CIITA: variants seen among roughly 807,000 people sequenced by gnomAD.
The protein encoded by CIITA is MHC class II transactivator.
A neutral mutation model predicts 115.1 loss-of-function variants in CIITA; 72 were observed. That is an observed-to-expected ratio of 0.63 (90% confidence interval 0.52 to 0.76). The LOEUF (loss-of-function observed/expected upper bound fraction) is 0.76. Ranked by LOEUF, CIITA falls within the 30% of genes least tolerant of loss-of-function variation. The probability of loss-of-function intolerance (pLI) is 0.00; values close to 1 mark genes in which losing one functional copy is unlikely to be tolerated. For synonymous variants in CIITA, 763 were observed against 635.6 expected (o/e 1.20, Z -3.02); for missense variants, 1,617 against 1,463.8 (o/e 1.10, Z -1.71).
At chr16:10,916,189 C>T (rs1447906534) in intron 14 of CIITA, among the ~76,000 whole-genome samples, 178 bp from the exon 15 acceptor site, 1 of 152,136 alleles carries the variant, frequency 6.6e-6, no homozygotes, top group East Asian at 1.9e-4. Flanking sequence ...CTGGTTGGAG[C>T]CCCCAGGTGA....
intron 1 of CIITA, among the ~76,000 whole-genome samples, chr16:10,894,895 T>A (rs1324781026): frequency 6.6e-6 from 1 of 152,212 alleles, no homozygotes; most frequent in Non-Finnish European, 1.5e-5. Flanking sequence ...ATACCTTCCT[T>A]ACATGGTTAC....
chr16:10,941,456 G>T lies in CIITA; in HGVS notation n.582G>T. On this transcript the variant is annotated non_coding_transcript_exon_variant, in exon 2 of 2. Coordinates refer to the CIITA transcript ENST00000573379. The surrounding 1 kb of genome is among the most constrained non-coding windows in gnomAD (Gnocchi z 6.4). ...TCCTGGCATCCAGTTAGACCTGGAG[G>T]AGGTGAACGGAGGAGAAGCCTGAGG... The T allele has an allele frequency of 9.3e-7, 1 of 1,073,790 alleles. No homozygotes were observed. Among genetic ancestry groups the T allele is most frequent in the Non-Finnish European group, 1.2e-6 (1 of 820,022 alleles). The allele number at this position is 1,073,790 out of a possible 1,614,324, so 66.5% of individuals were successfully genotyped here. A position where few individuals can be genotyped will look rare whatever the true frequency, so the allele number is the denominator to read the frequency against.
Position 10,923,108 on chromosome 16 carries a change from G to C in CIITA, c.3318-120G>C. On this transcript the variant is annotated intron_variant, in intron 18 of 19. Coordinates refer to ENST00000324288, the MANE Select transcript of CIITA (RefSeq NM_000246.4). The surrounding 1 kb of genome is among the most constrained non-coding windows in gnomAD (Gnocchi z 5.2). ...ACCCACACCGGTCGGTATCTTGCCA[G>C]GGGAAAAGTCCCCAACGTTCTAGGC... is the stretch of plus-strand genomic sequence containing the variant. 1 of 865,552 alleles carries C rather than the reference G, an allele frequency of 1.2e-6. No homozygotes were observed. The highest frequency in any genetic ancestry group is 1.3e-5 in the South Asian group (1 of 75,386). 53.6% of individuals were successfully genotyped at this position (865,552 alleles called of 1,614,324 possible).
rs144572023 is a variant in CIITA at position 10,927,681 on chromosome 16, C to T, written c.*3826C>T. 120 of 152,272 alleles carry T rather than the reference C, an allele frequency of 7.9e-4. No homozygotes were observed. Among genetic ancestry groups the T allele is most frequent in the African/African-American group, 2.8e-3 (118 of 41,550 alleles). 9.4% of individuals were successfully genotyped at this position (152,272 alleles called of 1,614,324 possible). ...CCAAACTGGGAGTCCTGGTGTGGAG[C>T]CTTTTAACCCAGAGGGGCATCTTTT... On this transcript the variant is annotated 3_prime_UTR_variant, in exon 20 of 20. Transcript: ENST00000324288.
In CIITA at chr16:10,941,564, C is replaced by CT. The variant is rs1371912147; in HGVS notation, n.692dup. 6.9e-7 allele frequency: 1 copy of CT among 1,449,066 alleles called. No individual in the cohort carries two copies. The highest frequency in any genetic ancestry group is 9.1e-7 in the Non-Finnish European group (1 of 1,099,544). The allele number at this position is 1,449,066 out of a possible 1,614,324, so 89.8% of individuals were successfully genotyped here. Reference sequence around the variant, plus strand: ...GCCCTCATCCTGTTCAGAGAGGGCACTTACAGGCCTCGGAGGCAGGGGAGG... The same window carrying CT: ...GCCCTCATCCTGTTCAGAGAGGGCACTTTACAGGCCTCGGAGGCAGGGGAGG... On this transcript the variant is annotated non_coding_transcript_exon_variant, in exon 2 of 2. Coordinates refer to the CIITA transcript ENST00000573379. This position sits in a 1 kb window ranked among gnomAD's most constrained non-coding sequence, Gnocchi z 6.4.
rs2040696961 is a variant in CIITA, at chr16:10,929,749, TAA to T, written c.*5897_*5898del. The T allele has an allele frequency of 5.8e-6, 1 of 171,994 alleles. No homozygotes were observed. The highest frequency in any genetic ancestry group is 1.2e-5 in the Non-Finnish European group (1 of 86,282). 10.7% of individuals were successfully genotyped at this position (171,994 alleles called of 1,614,324 possible). Reference sequence around the variant, plus strand: ...GGCTGAAAATGTCTTTCTGCAAATATAAAACTCTTTTTAATGAATTTGCCTAA... The same window carrying T: ...GGCTGAAAATGTCTTTCTGCAAATATAACTCTTTTTAATGAATTTGCCTAA... On this transcript the variant is annotated 3_prime_UTR_variant, in exon 20 of 20. Transcript: ENST00000324288. This position sits in a 1 kb window ranked among gnomAD's most constrained non-coding sequence, Gnocchi z 4.3.
intron 1 of CIITA, among the ~76,000 whole-genome samples, chr16:10,870,371 G>C (rs991729759): frequency 6.6e-6 from 1 of 152,098 alleles, no homozygotes; most frequent in Non-Finnish European, 1.5e-5. Context: ...TGGGAGCTTA[G>C]GGGTTTCGCT....
chr16:10,936,341 A>C lies in CIITA; in HGVS notation c.*12486A>C, dbSNP rs1446248488. On this transcript the variant is annotated 3_prime_UTR_variant, in exon 20 of 20. Coordinates refer to ENST00000324288, the MANE Select transcript of CIITA (RefSeq NM_000246.4). ...TGATTTTGACAACCCTACTGTGGTTATGCAAATTTGTCCTTGTTCTAAGGA... is the reference window on the plus strand; with the variant it reads ...TGATTTTGACAACCCTACTGTGGTTCTGCAAATTTGTCCTTGTTCTAAGGA... The C allele has an allele frequency of 6.6e-6, 1 of 152,208 alleles. No homozygotes were observed. Among genetic ancestry groups the C allele is most frequent in the Non-Finnish European group, 1.5e-5 (1 of 68,030 alleles). The allele number at this position is 152,208 out of a possible 1,614,324, so 9.4% of individuals were successfully genotyped here. A position where few individuals can be genotyped will look rare whatever the true frequency, so the allele number is the denominator to read the frequency against.
intron 16 of CIITA, among the ~76,000 whole-genome samples, chr16:10,918,791 T>C (rs1338508174): frequency 6.6e-6 from 1 of 152,196 alleles, no homozygotes; most frequent in African/African-American, 2.4e-5. Flanking sequence ...TGTTATGCAA[T>C]AAATATTGCT....
chr16:10,880,422 T>C (rs2036307149), intron 1 of CIITA, among the ~76,000 whole-genome samples: 1 of 152,218 alleles, frequency 6.6e-6, no homozygotes. Context: ...TGGTCTCATC[T>C]CTTTACTCTC....
chr16:10,868,857 C>T lies in CIITA; in HGVS notation c.-21+2538C>T, dbSNP rs113343094. On this transcript the variant is annotated intron_variant, in intron 1 of 5. Coordinates refer to the CIITA transcript ENST00000636238. ...TGCACTCGGGGCCCAGTGTGGTCTT[C>T]GGGGAGCTGGGAGGGGTGCAGGGCA... 3.7e-3 allele frequency among the ~76,000 whole-genome samples: 571 copies of T among 152,308 alleles called. 1 individual carries two copies. Among genetic ancestry groups the T allele is most frequent in the Admixed American group, 4.7e-3 (72 of 15,302 alleles).
chr16:10,904,653 T>C, intron 9 of CIITA, 91 bp from the exon 10 acceptor site: 1 of 1,335,144 alleles, frequency 7.5e-7, no homozygotes, highest in Non-Finnish European at 1.1e-6. Context: ...ACTCAGCCCA[T>C]GAAGGCTGTA....
intron 15 of CIITA, chr16:10,916,777 C>T (rs2039975995): frequency 6.9e-6 from 3 of 437,122 alleles, no homozygotes; most frequent in South Asian, 4.6e-5. Flanking sequence ...CTTATGCAGT[C>T]ATTTCTTTAC....
In CIITA at chr16:10,942,408, G is replaced by T. The variant is rs948853736; in HGVS notation, n.1534G>T. On this transcript the variant is annotated non_coding_transcript_exon_variant, in exon 2 of 2. Coordinates refer to the CIITA transcript ENST00000573379. This position sits in a 1 kb window ranked among gnomAD's most constrained non-coding sequence, Gnocchi z 5.0. ...CCCCGCAGGTCCTCGCGCACCCCCC[G>T]CGCCCCCGCAGGCCCAGCACCCATG... 7 of 161,406 alleles carry T rather than the reference G, an allele frequency of 4.3e-5. No homozygotes were observed. Among genetic ancestry groups the T allele is most frequent in the Non-Finnish European group, 9.4e-5 (7 of 74,226 alleles). 10.0% of individuals were successfully genotyped at this position (161,406 alleles called of 1,614,324 possible). A position where few individuals can be genotyped will look rare whatever the true frequency, so the allele number is the denominator to read the frequency against.
At position 10,877,329 on chromosome 16, in the gene CIITA, C is replaced by A; in HGVS notation, c.-2C>A. On this transcript the variant is annotated 5_prime_UTR_variant, in exon 1 of 20. Transcript: ENST00000324288. ...CTGCTGCCTGGCTGGGATTCCTACA[C>A]AATGCGTTGCCTGGCTCCACGCCCT... 1 of 1,612,846 alleles carries A rather than the reference C, an allele frequency of 6.2e-7. No homozygotes were observed. The highest frequency in any genetic ancestry group is 1.1e-5 in the South Asian group (1 of 90,798).
At chr16:10,870,042 T>C (rs1268467066) in intron 1 of CIITA, among the ~76,000 whole-genome samples, 3 of 150,924 alleles carry the variant, frequency 2.0e-5, no homozygotes, top group Non-Finnish European at 4.4e-5. Flanking sequence ...GTTCATGTAA[T>C]GCCATTATTC....
rs1567449145 is a variant in CIITA at position 10,922,147 on chromosome 16, C to T, written c.3150-20C>T. 1 of 1,612,198 alleles carries T rather than the reference C, an allele frequency of 6.2e-7. No individual in the cohort carries two copies. The highest frequency in any genetic ancestry group is 1.7e-5 in the Admixed American group (1 of 60,026). On this transcript the variant is annotated intron_variant, in intron 16 of 19. Transcript: ENST00000324288. ...ATGCACAGGCCTCCAATCCCTCCCCCTGGCCTCTGTTTCCGACAGCTTGTA... is the reference window on the plus strand; with the variant it reads ...ATGCACAGGCCTCCAATCCCTCCCCTTGGCCTCTGTTTCCGACAGCTTGTA...
chr16:10,915,097 C>A (rs2039859092), intron 13 of CIITA: 1 of 453,592 alleles, frequency 2.2e-6, no homozygotes, highest in African/African-American at 2.0e-5. Context: ...CTTACCCAGG[C>A]TGGAGTGCAG....
Position 10,901,411 on chromosome 16 carries a change from C to T in CIITA, c.437-103C>T, listed in dbSNP as rs2144531329. On this transcript the variant is annotated intron_variant, in intron 5 of 19. Coordinates refer to ENST00000324288, the MANE Select transcript of CIITA (RefSeq NM_000246.4). The surrounding 1 kb of genome is among the most constrained non-coding windows in gnomAD (Gnocchi z 6.8). ...GGAAAATGGACCCCCAAGACCACTA[C>T]CCAGCCTTGAAGTTAAGGCCGTATA... is the stretch of plus-strand genomic sequence containing the variant. 2 of 1,262,472 alleles carry T rather than the reference C, an allele frequency of 1.6e-6. No homozygotes were observed. The allele number at this position is 1,262,472 out of a possible 1,614,324, so 78.2% of individuals were successfully genotyped here. A position where few individuals can be genotyped will look rare whatever the true frequency, so the allele number is the denominator to read the frequency against.
Sources: allele counts gnomAD v4.1 joint callset (sites outside exome capture counted in the v4.1 genomes callset), GRCh38; gene constraint gnomAD v4.1.1; non-coding constraint Gnocchi (gnomAD v3.1); transcripts MANE v1.5; gene names NCBI Gene and HGNC (gene_info 2026-07-23, HGNC 2026-07-21).